TXNDC16: variants seen among roughly 807,000 people sequenced by gnomAD.
The protein encoded by TXNDC16 is thioredoxin domain-containing protein 16.
A neutral mutation model predicts 85.6 loss-of-function variants in TXNDC16; 74 were observed. That is an observed-to-expected ratio of 0.86 (90% CI 0.72 to 1.05). The LOEUF (loss-of-function observed/expected upper bound fraction) is 1.05. TXNDC16 is among the 50% of genes least tolerant of loss of function. TXNDC16 has a pLI of 0.00. For missense variants in TXNDC16, 959 were observed against 947.0 expected, an observed-to-expected ratio of 1.01 and a Z score of -0.17; for synonymous variants, 335 against 326.5, an observed-to-expected ratio of 1.03 and a Z score of -0.28.
At chr14:52,484,645 C>T (rs1397015663) in intron 12 of TXNDC16, among the ~76,000 whole-genome samples, 1 of 151,992 alleles carries the variant, frequency 6.6e-6, no homozygotes, top group African/African-American at 2.4e-5. Flanking sequence ...TTTGGGGGGC[C>T]GAGGTGGACG....
intron 18 of TXNDC16, among the ~76,000 whole-genome samples, chr14:52,452,560 G>T (rs1421479841): frequency 6.6e-6 from 1 of 152,092 alleles, no homozygotes; most frequent in African/African-American, 2.4e-5. Context: ...TTCGACAAAG[G>T]TTCCAAGAAC....
At chr14:52,518,181 G>C (rs533056275) in intron 7 of TXNDC16, among the ~76,000 whole-genome samples, 64 of 152,226 alleles carry the variant, frequency 4.2e-4, no homozygotes, top group Middle Eastern at 3.4e-3. Context: ...GTATCTAATA[G>C]GTTCAGTCTT....
At chr14:52,536,908 G>T in intron 5 of TXNDC16, 115 bp from the exon 6 acceptor site, 1 of 848,032 alleles carries the variant, frequency 1.2e-6, no homozygotes. Context: ...TGTTACAGCT[G>T]TGTCTTGTCC....
chr14:52,512,813 T>C (rs1439718344), intron 8 of TXNDC16, among the ~76,000 whole-genome samples: 4 of 152,188 alleles, frequency 2.6e-5, no homozygotes, highest in Admixed American at 6.5e-5. Context: ...TTAACACTTT[T>C]CAGCTCTCAA....
intron 6 of TXNDC16, among the ~76,000 whole-genome samples, chr14:52,529,964 A>C (rs1480322222): frequency 1.1e-5 from 1 of 91,988 alleles, no homozygotes; most frequent in African/African-American, 4.4e-5. Flanking sequence ...ACATATTATA[A>C]TACATATAAC....
In TXNDC16 at chr14:52,490,453, T is replaced by C; in HGVS notation, c.924-2A>G. The C allele has an allele frequency of 6.3e-7, 1 of 1,592,604 alleles. No individual in the cohort carries two copies. The highest frequency in any genetic ancestry group is 8.5e-7 in the Non-Finnish European group (1 of 1,171,356). ...GGAATGTTCACTTCCAAAGAGTCCC[T>C]TTTTCAAAATGGAAATAAATGTTTT... On this transcript the variant is annotated splice_acceptor_variant, in intron 10 of 20. Coordinates refer to ENST00000281741, the MANE Select transcript of TXNDC16 (RefSeq NM_020784.3). LOFTEE classifies it high-confidence loss of function.
chr14:52,467,616 T>C (rs2035807690), intron 16 of TXNDC16, among the ~76,000 whole-genome samples: 2 of 152,156 alleles, frequency 1.3e-5, no homozygotes, highest in African/African-American at 4.8e-5. Flanking sequence ...GCAAGGATGT[T>C]AAAGTCATTG....
chr14:52,432,178 G>A lies in TXNDC16; in HGVS notation c.*126C>T. 1.3e-6 allele frequency: 1 copy of A among 775,340 alleles called. No individual in the cohort carries two copies. The allele number at this position is 775,340 out of a possible 1,614,324, so 48.0% of individuals were successfully genotyped here. On this transcript the variant is annotated 3_prime_UTR_variant, in exon 21 of 21. Transcript: ENST00000281741. ...CTAGAAAATTTTAAATAAAATATGT[G>A]ACTTATATTATAATTCTATTGGATG... is the stretch of plus-strand genomic sequence containing the variant.
intron 9 of TXNDC16, among the ~76,000 whole-genome samples, chr14:52,503,910 G>A (rs575768758): frequency 7.0e-4 from 106 of 152,268 alleles, no homozygotes; most frequent in African/African-American, 2.5e-3. Flanking sequence ...ACTATGGCAC[G>A]AGAACTACGG....
At chr14:52,537,508 A>C in intron 5 of TXNDC16, 91 bp downstream of exon 5, 3 of 960,660 alleles carry the variant, frequency 3.1e-6, no homozygotes, top group Non-Finnish European at 4.8e-6. Context: ...CCTACATATG[A>C]CTTTATTCTA....
intron 18 of TXNDC16, among the ~76,000 whole-genome samples, chr14:52,452,661 T>C (rs2035439299): frequency 2.0e-5 from 3 of 152,122 alleles, no homozygotes; most frequent in Admixed American, 6.6e-5. Flanking sequence ...CTATCTCTCA[T>C]CATATACAAA....
intron 6 of TXNDC16, among the ~76,000 whole-genome samples, chr14:52,526,151 T>A (rs987759267): frequency 6.6e-6 from 1 of 152,174 alleles, no homozygotes. Context: ...CCTCACATAG[T>A]AAATGAACCA....
chr14:52,522,718 G>A (rs931478876), intron 6 of TXNDC16, among the ~76,000 whole-genome samples: 1 of 152,114 alleles, frequency 6.6e-6, no homozygotes, highest in Non-Finnish European at 1.5e-5. Context: ...TCTAACCTTT[G>A]AGTCCAGTTC....
In TXNDC16 at chr14:52,519,403, T is replaced by C. The variant is rs907978399; in HGVS notation, c.393-110A>G. On this transcript the variant is annotated intron_variant, in intron 6 of 20. Transcript: ENST00000281741. ...GAGAAATATATCTCCATTGAATAAA[T>C]TATCAGTAGTAATAATGTAAGCATT... The C allele has an allele frequency of 6.6e-6, 5 of 753,372 alleles. No homozygotes were observed. In the East Asian group the frequency reaches 7.9e-5, roughly 12 times the overall value. 46.7% of individuals were successfully genotyped at this position (753,372 alleles called of 1,614,324 possible). A position where few individuals can be genotyped will look rare whatever the true frequency, so the allele number is the denominator to read the frequency against.
chr14:52,486,105 TTTC>T (rs1254545492), intron 12 of TXNDC16, among the ~76,000 whole-genome samples: 4 of 152,178 alleles, frequency 2.6e-5, no homozygotes, highest in Non-Finnish European at 4.4e-5. Flanking sequence ...ACTGTATTTT[TTTC>T]TTATTATTCA....
At chr14:52,539,726 G>A (rs1305849619) in intron 4 of TXNDC16, among the ~76,000 whole-genome samples, 1 of 152,170 alleles carries the variant, frequency 6.6e-6, no homozygotes, top group East Asian at 1.9e-4. Flanking sequence ...CCAAGTAGTA[G>A]ATGGATTACT....
intron 6 of TXNDC16, among the ~76,000 whole-genome samples, chr14:52,520,171 A>T (rs937394623): frequency 1.3e-5 from 2 of 152,232 alleles, no homozygotes; most frequent in African/African-American, 4.8e-5. Context: ...TCAAAAACGC[A>T]TTTATTGAAT....
chr14:52,497,710 T>C (rs972115968), intron 9 of TXNDC16, among the ~76,000 whole-genome samples: 1 of 152,026 alleles, frequency 6.6e-6, no homozygotes, highest in Non-Finnish European at 1.5e-5. Flanking sequence ...TGAAACCCCA[T>C]TTCTACTAAA....
At position 52,448,170 on chromosome 14, in the gene TXNDC16, A is replaced by G. The variant is rs373338401; in HGVS notation, c.1842+7154T>C. On this transcript the variant is annotated intron_variant, in intron 18 of 20. Coordinates refer to ENST00000281741, the MANE Select transcript of TXNDC16 (RefSeq NM_020784.3). Reference sequence around the variant, plus strand: ...CAGAGAATTTCCCAAACTTAGAAAAAGATATCAATATCCAAGCACAAGGTT... The same window carrying G: ...CAGAGAATTTCCCAAACTTAGAAAAGGATATCAATATCCAAGCACAAGGTT... Among the ~76,000 whole-genome samples the G allele has an allele frequency of 4.6e-5, 7 of 152,220 alleles. No individual in the cohort carries two copies. The East Asian group carries it at 1.2e-3, about 25-fold the overall frequency.
Sources: gnomAD v4.1 joint callset for allele counts (sites outside exome capture counted in the v4.1 genomes callset) on GRCh38, gnomAD v4.1.1 for gene constraint, MANE v1.5 for transcripts, NCBI Gene and HGNC (gene_info 2026-07-23, HGNC 2026-07-21) for gene names.